Variants in COL4A5 observed in about 807,000 individuals in gnomAD.
The protein encoded by COL4A5 is collagen alpha-5(IV) chain.
A neutral mutation model predicts 130.2 loss-of-function variants in COL4A5; 26 were observed. That is an observed-to-expected ratio of 0.20 (90% CI 0.15 to 0.28). COL4A5 has a LOEUF of 0.28. Ranked by LOEUF, COL4A5 falls within the 10% of genes least tolerant of loss-of-function variation. The pLI is 1.00. For missense variants in COL4A5, 1,131 were observed against 1,344.3 expected, an observed-to-expected ratio of 0.84 and a Z score of 2.48; for synonymous variants, 496 against 439.6, an observed-to-expected ratio of 1.13 and a Z score of -1.60.
intron 1 of COL4A5, among the ~76,000 whole-genome samples, chrX:108,521,288 C>T (rs1327294113): frequency 1.8e-5 from 2 of 110,349 alleles, no homozygotes; most frequent in Admixed American, 9.8e-5. Context: ...GAAAATTTTC[C>T]GTGGATCTTT....
At chrX:108,632,249 G>A (rs1315658330) in intron 36 of COL4A5, among the ~76,000 whole-genome samples, 2 of 110,495 alleles carry the variant, frequency 1.8e-5, no homozygotes, top group Admixed American at 9.6e-5. Context: ...TAAATTCCTC[G>A]ACACATAGAC....
In COL4A5 at chrX:108,694,861, C is replaced by T. The variant is rs747959168; in HGVS notation, c.4761C>T (p.Ile1587=). 6.6e-6 allele frequency: 8 copies of T among 1,208,410 alleles called. No homozygotes were observed. The Admixed American group carries it at 1.1e-4, about 17-fold the overall frequency. ...TGATCGCAGTTCACAGTCAGACGAT[C>T]CAGATTCCCCATTGTCCTCAGGGAT... ...AVVIAVHSQT[I]QIPHCPQGWD... Residue 1587 remains isoleucine (I), a synonymous_variant, in exon 51 of 53, where the codon ATC becomes ATT. Coordinates refer to ENST00000328300, the MANE Select transcript of COL4A5 (RefSeq NM_033380.3).
chrX:108,670,096 A>T, intron 41 of COL4A5, 132 bp from the exon 42 acceptor site: 1 of 705,436 alleles, frequency 1.4e-6, no homozygotes, highest in Non-Finnish European at 2.1e-6. Context: ...GTATTCTTTT[A>T]TTGAAATGAA....
chrX:108,672,338 A>G (rs1022257603), intron 42 of COL4A5, among the ~76,000 whole-genome samples: 2 of 112,084 alleles, frequency 1.8e-5, no homozygotes, highest in Admixed American at 1.9e-4. Flanking sequence ...CTGAGTTACT[A>G]TAATATATTC....
At chrX:108,487,901 C>T (rs752865841) in intron 1 of COL4A5, among the ~76,000 whole-genome samples, 1 of 112,189 alleles carries the variant, frequency 8.9e-6, no homozygotes, top group Non-Finnish European at 1.9e-5. Context: ...TTCGTTCTTA[C>T]CCTGCCCCAA....
At chrX:108,445,570 C>A (rs1302400066) in intron 1 of COL4A5, among the ~76,000 whole-genome samples, 9 of 111,783 alleles carry the variant, frequency 8.1e-5, no homozygotes, top group Admixed American at 9.5e-5. Context: ...GTGAAACTTT[C>A]CCTTATTATA....
chrX:108,628,771 C>T (rs1004388605), intron 36 of COL4A5, among the ~76,000 whole-genome samples: 2 of 111,768 alleles, frequency 1.8e-5, no homozygotes, highest in Admixed American at 1.9e-4. Flanking sequence ...AAATTATGTA[C>T]TCATTTATTT....
At chrX:108,630,110 A>G (rs762767958) in intron 36 of COL4A5, among the ~76,000 whole-genome samples, 1 of 112,114 alleles carries the variant, frequency 8.9e-6, no homozygotes, top group South Asian at 3.7e-4. Flanking sequence ...TAGTGCCACA[A>G]TAAATATACA....
At position 108,637,885 on chromosome X, in the gene COL4A5, A is replaced by G. The variant is rs762671183; in HGVS notation, c.3246+11536A>G. ...TTTTTTTTTGAGACAGGGTCTCGCT[A>G]TGTTGCCCATGCTGGATGGAGTGCA... On this transcript the variant is annotated intron_variant, in intron 36 of 52. Coordinates refer to ENST00000328300, the MANE Select transcript of COL4A5 (RefSeq NM_033380.3). Among the ~76,000 whole-genome samples, 277 of 106,413 alleles carry G rather than the reference A, an allele frequency of 2.6e-3. 2 individuals carry two copies. The highest frequency in any genetic ancestry group is 9.3e-3 in the African/African-American group (268 of 28,899). The allele number at this position is 106,413 out of a possible 115,157, so 92.4% of individuals were successfully genotyped here. A position where few individuals can be genotyped will look rare whatever the true frequency, so the allele number is the denominator to read the frequency against.
At chrX:108,565,784 C>A (rs1296166539) in intron 4 of COL4A5, among the ~76,000 whole-genome samples, 1 of 111,575 alleles carries the variant, frequency 9.0e-6, no homozygotes, top group Non-Finnish European at 1.9e-5. Flanking sequence ...ATATTTCTTG[C>A]AAATTTCACG....
At chrX:108,553,352 T>A (rs910255065) in intron 2 of COL4A5, among the ~76,000 whole-genome samples, 1 of 111,790 alleles carries the variant, frequency 8.9e-6, no homozygotes, top group Non-Finnish European at 1.9e-5. Flanking sequence ...ATAGAAGACT[T>A]GTATCCAGAA....
Position 108,666,599 on chromosome X carries a change from T to C in COL4A5, c.3553+5T>C, listed in dbSNP as rs1395442019. Reference sequence around the variant, plus strand: ...CTGGACAGAAGGGTGAACCAGGTGCTGTAGTTTTTCATTTTTCCTATTTTT... The same window carrying C: ...CTGGACAGAAGGGTGAACCAGGTGCCGTAGTTTTTCATTTTTCCTATTTTT... On this transcript the variant is annotated splice_donor_5th_base_variant and intron_variant, in intron 39 of 52. Transcript: ENST00000328300. The C allele has an allele frequency of 2.5e-5, 30 of 1,183,005 alleles. No individual in the cohort carries two copies. Among genetic ancestry groups the C allele is most frequent in the Non-Finnish European group, 3.3e-5 (29 of 875,132 alleles).
chrX:108,505,082 G>A (rs1321239254), intron 1 of COL4A5, among the ~76,000 whole-genome samples: 1 of 111,551 alleles, frequency 9.0e-6, no homozygotes, highest in Non-Finnish European at 1.9e-5. Flanking sequence ...GTCTTTTGCA[G>A]CAACTTGGAT....
Position 108,687,519 on chromosome X carries a change from A to T in COL4A5, c.4353A>T (p.Gly1451=), listed in dbSNP as rs146884759. 5.6e-4 allele frequency: 672 copies of T among 1,209,552 alleles called. 2 individuals are homozygous for T. The highest frequency in any genetic ancestry group is 7.2e-4 in the South Asian group (41 of 56,797). ...TGGATGGTCCCCCTGGTCCAGATGG[A>T]TTGCAAGGTCCCCCAGGTCCCCCTG... ...RGLDGPPGPD[G]LQGPPGPPGT... The change falls in exon 49 of 53, where the codon GGA becomes GGT. Residue 1451 remains glycine (G), a synonymous_variant. Transcript: ENST00000328300.
At chrX:108,677,830 T>G (rs2068336951) in intron 44 of COL4A5, among the ~76,000 whole-genome samples, 197 bp downstream of exon 44, 1 of 112,150 alleles carries the variant, frequency 8.9e-6, no homozygotes, top group East Asian at 2.8e-4. Flanking sequence ...ATAGTCAGAG[T>G]TCCTGAAAAG....
At chrX:108,550,924 GA>G (rs1258711471) in intron 2 of COL4A5, among the ~76,000 whole-genome samples, 1 of 111,281 alleles carries the variant, frequency 9.0e-6, no homozygotes, top group Non-Finnish European at 1.9e-5. Context: ...ATGGTGCTGT[GA>G]TAACTGACTA....
Position 108,666,362 on chromosome X carries a change from T to C in COL4A5, c.3455-134T>C, listed in dbSNP as rs1414493139. 9.9e-6 allele frequency: 5 copies of C among 502,528 alleles called. No homozygotes were observed. In the East Asian group the frequency reaches 1.8e-4, roughly 18 times the overall value. The allele number at this position is 502,528 out of a possible 1,213,427, so 41.4% of individuals were successfully genotyped here. ...ATTTTCATTATCCTCCTTCATATTT[T>C]TATAACATTTTGTGATCCAAAGGAG... On this transcript the variant is annotated intron_variant, in intron 38 of 52. Coordinates refer to ENST00000328300, the MANE Select transcript of COL4A5 (RefSeq NM_033380.3).
At chrX:108,646,875 A>C (rs1447057708) in intron 36 of COL4A5, among the ~76,000 whole-genome samples, 1 of 110,097 alleles carries the variant, frequency 9.1e-6, no homozygotes, top group Non-Finnish European at 1.9e-5. Context: ...AGGTTTGTCA[A>C]AGATCAGATA....
At chrX:108,627,698 T>A in intron 36 of COL4A5, 2 of 423,087 alleles carry the variant, frequency 4.7e-6, no homozygotes, top group Non-Finnish European at 5.9e-6. Context: ...TGAAAAGATG[T>A]AAAATAAAAA....
Sources: allele counts gnomAD v4.1 joint callset (sites outside exome capture counted in the v4.1 genomes callset), GRCh38; gene constraint gnomAD v4.1.1; transcripts MANE v1.5; gene names NCBI Gene and HGNC (gene_info 2026-07-23, HGNC 2026-07-21).